Variants in ST6GALNAC3 observed in about 807,000 individuals in gnomAD.
The protein encoded by ST6GALNAC3 is alpha-N-acetylgalactosaminide alpha-2,6-sialyltransferase 3.
A neutral mutation model predicts 32.7 loss-of-function variants in ST6GALNAC3; 25 were observed. The observed-to-expected ratio is 0.76, with a 90% CI of 0.56 to 1.07. ST6GALNAC3 has a LOEUF of 1.07. ST6GALNAC3 is among the 50% of genes least tolerant of loss of function. The pLI is 0.00. For synonymous variants in ST6GALNAC3, 129 were observed against 133.1 expected (o/e 0.97, Z 0.21); for missense variants, 355 against 382.4 (o/e 0.93, Z 0.60).
At chr1:76,239,666 TC>T (rs1291637668) in intron 1 of ST6GALNAC3, among the ~76,000 whole-genome samples, 1 of 152,000 alleles carries the variant, frequency 6.6e-6, no homozygotes, top group Admixed American at 6.6e-5. Flanking sequence ...CGAGAGATCT[TC>T]CCCCGTGACC....
chr1:76,364,245 T>C (rs1650190180), intron 2 of ST6GALNAC3, among the ~76,000 whole-genome samples: 2 of 152,188 alleles, frequency 1.3e-5, no homozygotes, highest in Non-Finnish European at 2.9e-5. Flanking sequence ...GACACACTCA[T>C]ACCTTTTAAA....
At chr1:76,437,057 T>G (rs1005761332) in intron 3 of ST6GALNAC3, among the ~76,000 whole-genome samples, 23 of 152,110 alleles carry the variant, frequency 1.5e-4, no homozygotes, top group African/African-American at 5.3e-4. Context: ...TTTAAGGGTT[T>G]TTAAAACTCC....
rs533560881 is a variant in ST6GALNAC3, at chr1:76,156,852, C to T, written c.18+81968C>T. On this transcript the variant is annotated intron_variant, in intron 1 of 4. Transcript: ENST00000328299. ...GTTCACGCCATTCTCCTGCCTCAGC[C>T]TCCCAAGTAGCTGGGACTACAGGCG... Among the ~76,000 whole-genome samples the T allele has an allele frequency of 6.9e-4, 105 of 152,234 alleles. 1 individual carries two copies. Among genetic ancestry groups the T allele is most frequent in the Non-Finnish European group, 1.3e-3 (89 of 68,044 alleles).
intron 1 of ST6GALNAC3, among the ~76,000 whole-genome samples, chr1:76,149,293 G>A (rs1386514571): frequency 1.3e-5 from 2 of 152,184 alleles, no homozygotes; most frequent in African/African-American, 4.8e-5. Flanking sequence ...ATTGCTCATG[G>A]TTGGTCTGTT....
chr1:76,399,850 G>A (rs1005171641), intron 2 of ST6GALNAC3, among the ~76,000 whole-genome samples: 2 of 151,974 alleles, frequency 1.3e-5, no homozygotes, highest in African/African-American at 4.8e-5. Flanking sequence ...AGTAATGAAT[G>A]GCATCTTTTC....
chr1:76,634,148 G>T lies in ST6GALNAC3; in HGVS notation c.*5342G>T. ...CACAGATACATCTCTTTTTGTTCAC[G>T]CCTTGAAGACTTCAGAAAAATAGAA... is the stretch of plus-strand genomic sequence containing the variant. On this transcript the variant is annotated 3_prime_UTR_variant, in exon 5 of 5. Transcript: ENST00000328299. 4 of 983,420 alleles carry T rather than the reference G, an allele frequency of 4.1e-6. No homozygotes were observed. The highest frequency in any genetic ancestry group is 3.6e-6 in the Non-Finnish European group (3 of 829,550). 60.9% of individuals were successfully genotyped at this position (983,420 alleles called of 1,614,324 possible).
chr1:76,628,406 A>G (rs569947580), intron 4 of ST6GALNAC3, among the ~76,000 whole-genome samples: 61 of 152,104 alleles, frequency 4.0e-4, no homozygotes, highest in Non-Finnish European at 7.4e-4. Flanking sequence ...GGCATGATAT[A>G]TAAATTTTAT....
intron 1 of ST6GALNAC3, among the ~76,000 whole-genome samples, chr1:76,247,003 T>C (rs1411762282): frequency 6.6e-6 from 1 of 152,150 alleles, no homozygotes; most frequent in Admixed American, 6.6e-5. Flanking sequence ...GGGGTCTTTT[T>C]TGTTGATGTT....
rs1310283973 is a variant in ST6GALNAC3, at chr1:76,491,020, G to A, written c.623+78603G>A. On this transcript the variant is annotated intron_variant, in intron 3 of 4. Coordinates refer to ENST00000328299, the MANE Select transcript of ST6GALNAC3 (RefSeq NM_152996.4). ...ATTACGGACATGCGCCACCACGCCC[G>A]GCTAATTTTTTATTTTTAGTAGAGA... 2.6e-5 allele frequency among the ~76,000 whole-genome samples: 4 copies of A among 151,822 alleles called. No homozygotes were observed. In the East Asian group the frequency reaches 5.8e-4, roughly 22 times the overall value.
intron 3 of ST6GALNAC3, among the ~76,000 whole-genome samples, chr1:76,513,333 C>T (rs990835171): frequency 6.6e-6 from 1 of 152,140 alleles, no homozygotes; most frequent in Non-Finnish European, 1.5e-5. Context: ...GGTCTAGACT[C>T]ATTCTTCTGC....
intron 3 of ST6GALNAC3, among the ~76,000 whole-genome samples, chr1:76,554,374 G>T (rs1324097167): frequency 1.3e-5 from 2 of 152,088 alleles, no homozygotes; most frequent in African/African-American, 4.8e-5. Context: ...CTGCTATGGG[G>T]AGGGGAGAAA....
chr1:76,483,209 G>A (rs1347089245), intron 3 of ST6GALNAC3, among the ~76,000 whole-genome samples: 1 of 152,144 alleles, frequency 6.6e-6, no homozygotes, highest in African/African-American at 2.4e-5. Flanking sequence ...CTTTATAGCA[G>A]CATGATTTGT....
In ST6GALNAC3 at chr1:76,629,631, T is replaced by C. The variant is rs1324475429; in HGVS notation, c.*825T>C. 3.0e-6 allele frequency: 3 copies of C among 985,040 alleles called. No individual in the cohort carries two copies. Among genetic ancestry groups the C allele is most frequent in the African/African-American group, 1.7e-5 (1 of 57,162 alleles). 61.0% of individuals were successfully genotyped at this position (985,040 alleles called of 1,614,324 possible). ...ATGTAAGATACCAACTTCAACACTG[T>C]AATAACATATACTGTGAAAACATTC... On this transcript the variant is annotated 3_prime_UTR_variant, in exon 5 of 5. Transcript: ENST00000328299.
intron 3 of ST6GALNAC3, among the ~76,000 whole-genome samples, chr1:76,431,489 T>G (rs1357974988): frequency 6.6e-6 from 1 of 152,230 alleles, no homozygotes; most frequent in East Asian, 1.9e-4. Context: ...TCACAAATTA[T>G]CATTCTGTCT....
At chr1:76,403,094 T>G (rs1300700089) in intron 2 of ST6GALNAC3, among the ~76,000 whole-genome samples, 1 of 152,104 alleles carries the variant, frequency 6.6e-6, no homozygotes, top group Non-Finnish European at 1.5e-5. Context: ...CTGTTCCATT[T>G]ACCACTAGCT....
At chr1:76,459,458 G>T (rs1201371983) in intron 3 of ST6GALNAC3, among the ~76,000 whole-genome samples, 1 of 152,042 alleles carries the variant, frequency 6.6e-6, no homozygotes, top group East Asian at 1.9e-4. Context: ...CAGCTACTCG[G>T]GAGGCTGAGG....
At chr1:76,316,572 G>A (rs912776695) in intron 2 of ST6GALNAC3, among the ~76,000 whole-genome samples, 19 of 151,852 alleles carry the variant, frequency 1.3e-4, no homozygotes, top group Admixed American at 3.3e-4. Context: ...CATATACAAC[G>A]GTAAACTAAA....
At chr1:76,604,243 T>C (rs1480031011) in intron 3 of ST6GALNAC3, among the ~76,000 whole-genome samples, 1 of 152,202 alleles carries the variant, frequency 6.6e-6, no homozygotes, top group Non-Finnish European at 1.5e-5. Flanking sequence ...CTCTAGAATA[T>C]GTTCTGTGAA....
chr1:76,477,310 C>T (rs1222903453), intron 3 of ST6GALNAC3, among the ~76,000 whole-genome samples: 1 of 151,990 alleles, frequency 6.6e-6, no homozygotes, highest in African/African-American at 2.4e-5. Context: ...TTCCAATTTT[C>T]CATTGACCAC....
Sources: gnomAD v4.1 joint callset for allele counts (sites outside exome capture counted in the v4.1 genomes callset) on GRCh38, gnomAD v4.1.1 for gene constraint, MANE v1.5 for transcripts, NCBI Gene and HGNC (gene_info 2026-07-23, HGNC 2026-07-21) for gene names.